The following EXOC6B variants were observed in gnomAD, a reference collection of about 807,000 sequenced individuals.
EXOC6B encodes the protein exocyst complex component 6B, also known as SEC15 homolog B.
In EXOC6B, 54 loss-of-function variants were observed where a neutral mutation model predicts 113.5. The observed-to-expected ratio is 0.48, with a 90% confidence interval of 0.38 to 0.60. The LOEUF is 0.60. Among genes scored for constraint, EXOC6B ranks in the 20% least tolerant of loss-of-function variants. The probability of loss-of-function intolerance (pLI) is 0.00; values close to 1 mark genes in which losing one functional copy is unlikely to be tolerated. For synonymous variants in EXOC6B, 357 were observed against 339.0 expected (o/e 1.05, Z -0.58); for missense variants, 797 against 977.5 (o/e 0.82, Z 2.46).
At chr2:72,382,031 C>T (rs553030947) in intron 18 of EXOC6B, among the ~76,000 whole-genome samples, 5 of 152,202 alleles carry the variant, frequency 3.3e-5, no homozygotes, top group East Asian at 1.9e-4. Context: ...TGATGGGCCA[C>T]ACTCTGCATG....
chr2:72,607,585 A>T (rs929407120), intron 6 of EXOC6B, among the ~76,000 whole-genome samples: 19 of 152,142 alleles, frequency 1.2e-4, no homozygotes, highest in Middle Eastern at 3.2e-3. Context: ...TGAATATTTT[A>T]TATCTTAGAG....
intron 6 of EXOC6B, among the ~76,000 whole-genome samples, chr2:72,595,718 A>G (rs1670041304): frequency 1.3e-5 from 2 of 152,084 alleles, no homozygotes; most frequent in African/African-American, 4.8e-5. Context: ...ACACAATAAG[A>G]AGACAGACAA....
intron 6 of EXOC6B, among the ~76,000 whole-genome samples, chr2:72,606,923 A>G (rs1670792237): frequency 6.6e-6 from 1 of 151,946 alleles, no homozygotes; most frequent in Non-Finnish European, 1.5e-5. Context: ...CTTTCTTTGA[A>G]CCTAATGTTA....
chr2:72,262,033 TCTC>T (rs1202454923), intron 20 of EXOC6B, among the ~76,000 whole-genome samples: 2 of 152,122 alleles, frequency 1.3e-5, no homozygotes, highest in Non-Finnish European at 2.9e-5. Flanking sequence ...AGGACATAGA[TCTC>T]CTGATTTCAG....
chr2:72,468,735 T>A (rs368764271), intron 17 of EXOC6B, among the ~76,000 whole-genome samples: 1 of 152,224 alleles, frequency 6.6e-6, no homozygotes, highest in Non-Finnish European at 1.5e-5. Context: ...TTGGGTAATA[T>A]GGAAATTCTA....
At chr2:72,432,030 TTTTTTTC>T (rs1695566048) in intron 18 of EXOC6B, among the ~76,000 whole-genome samples, 1 of 152,108 alleles carries the variant, frequency 6.6e-6, no homozygotes, top group South Asian at 2.1e-4. Context: ...CACATTTTCT[TTTTTTTC>T]TTTTTTCTTT....
intron 11 of EXOC6B, among the ~76,000 whole-genome samples, chr2:72,511,221 A>G (rs999985729): frequency 6.6e-6 from 1 of 152,160 alleles, no homozygotes; most frequent in African/African-American, 2.4e-5. Context: ...ACCCACATAC[A>G]TATTAACCAA....
chr2:72,301,727 T>A (rs1274244858), intron 20 of EXOC6B, among the ~76,000 whole-genome samples: 1 of 152,192 alleles, frequency 6.6e-6, no homozygotes, highest in Non-Finnish European at 1.5e-5. Context: ...ATTTCTATTT[T>A]GTCTCTTTTC....
intron 20 of EXOC6B, among the ~76,000 whole-genome samples, chr2:72,231,422 C>G (rs1304113300): frequency 6.6e-6 from 1 of 151,982 alleles, no homozygotes; most frequent in South Asian, 2.1e-4. Flanking sequence ...GATTGTGAAT[C>G]AGAATCAGAA....
intron 8 of EXOC6B, among the ~76,000 whole-genome samples, chr2:72,523,673 C>G (rs1313323612): frequency 6.8e-6 from 1 of 147,582 alleles, no homozygotes; most frequent in African/African-American, 2.5e-5. Context: ...CCCAGCTACT[C>G]GGGAGGCTGA....
At chr2:72,185,618 C>A (rs1678373067) in intron 20 of EXOC6B, among the ~76,000 whole-genome samples, 1 of 152,178 alleles carries the variant, frequency 6.6e-6, no homozygotes, top group Non-Finnish European at 1.5e-5. Flanking sequence ...TCAGGTCATG[C>A]CTATTTTCAT....
chr2:72,471,889 A>G (rs555422629), intron 17 of EXOC6B, among the ~76,000 whole-genome samples: 1 of 152,142 alleles, frequency 6.6e-6, no homozygotes, highest in African/African-American at 2.4e-5. Flanking sequence ...ATTTTGAGGT[A>G]TGTTCCTTCT....
At chr2:72,275,467 A>G (rs1684755579) in intron 20 of EXOC6B, among the ~76,000 whole-genome samples, 1 of 152,104 alleles carries the variant, frequency 6.6e-6, no homozygotes, top group South Asian at 2.1e-4. Flanking sequence ...AGGCCTGGTA[A>G]CCTCTCATCA....
chr2:72,588,612 G>T (rs1271558158), intron 6 of EXOC6B, among the ~76,000 whole-genome samples: 3 of 151,926 alleles, frequency 2.0e-5, no homozygotes, highest in African/African-American at 7.2e-5. Context: ...GTACAACATT[G>T]TGAATATACT....
chr2:72,656,502 A>C (rs1267538472), intron 6 of EXOC6B, among the ~76,000 whole-genome samples: 1 of 152,150 alleles, frequency 6.6e-6, no homozygotes, highest in African/African-American at 2.4e-5. Flanking sequence ...GGTAATTCAC[A>C]AAAAAAGAAA....
chr2:72,641,952 G>C (rs569247575), intron 6 of EXOC6B, among the ~76,000 whole-genome samples: 1 of 152,212 alleles, frequency 6.6e-6, no homozygotes, highest in Non-Finnish European at 1.5e-5. Flanking sequence ...AAAGGGTCCG[G>C]AGTGGACCTC....
At chr2:72,673,974 T>C (rs1016428857) in intron 6 of EXOC6B, among the ~76,000 whole-genome samples, 1 of 152,060 alleles carries the variant, frequency 6.6e-6, no homozygotes, top group Non-Finnish European at 1.5e-5. Flanking sequence ...ACATTAATAG[T>C]ACAGTGTCTG....
intron 6 of EXOC6B, among the ~76,000 whole-genome samples, chr2:72,588,905 T>C (rs972982690): frequency 1.3e-5 from 2 of 152,044 alleles, no homozygotes; most frequent in African/African-American, 4.8e-5. Flanking sequence ...CCCAGCTCTT[T>C]TTAAATATTA....
chr2:72,251,768 A>G (rs1265931006), intron 20 of EXOC6B, among the ~76,000 whole-genome samples: 2 of 152,218 alleles, frequency 1.3e-5, no homozygotes, highest in African/African-American at 4.8e-5. Context: ...TCCATTATGT[A>G]TAATCATGAA....
Sources: allele counts gnomAD v4.1 joint callset (sites outside exome capture counted in the v4.1 genomes callset), GRCh38; gene constraint gnomAD v4.1.1; transcripts MANE v1.5; gene names NCBI Gene and HGNC (gene_info 2026-07-23, HGNC 2026-07-21).